Variants in ANK3 observed in about 807,000 individuals in gnomAD.
ANK3 encodes the protein ankyrin-3.
Under a neutral mutation model 370.9 loss-of-function variants are expected in ANK3, and 57 were observed. The ratio of observed to expected loss-of-function variants is 0.15; its 90% CI spans 0.12 to 0.19. The LOEUF is 0.19. ANK3 is among the 10% of genes least tolerant of loss of function. The pLI is 1.00. For synonymous variants in ANK3, 1,929 were observed against 1,946.3 expected, an observed-to-expected ratio of 0.99 and a Z score of 0.23; for missense variants, 4,439 against 5,302.1, an observed-to-expected ratio of 0.84 and a Z score of 5.06.
intron 4 of ANK3, among the ~76,000 whole-genome samples, chr10:60,272,453 T>TTTGTTG (rs145292305): frequency 5.1e-4 from 73 of 144,128 alleles, no homozygotes; most frequent in South Asian, 4.8e-4. Flanking sequence ...TTAGAAGTTT[T>TTTGTTG]TTGTTGTTGT....
At chr10:60,141,588 C>CTTTTTTTTTTTTTTTTTTT (rs1266607487) in intron 23 of ANK3, among the ~76,000 whole-genome samples, 1 of 24,880 alleles carries the variant, frequency 4.0e-5, no homozygotes, top group African/African-American at 1.8e-4. Flanking sequence ...TTTTTTTTTG[C>CTTTTTTTTTTTTTTTTTTT]TTCCCTCCAG....
At chr10:60,037,599 C>CA (rs1442605259) in intron 43 of ANK3, among the ~76,000 whole-genome samples, 2 of 150,826 alleles carry the variant, frequency 1.3e-5, no homozygotes, top group Non-Finnish European at 2.9e-5. Flanking sequence ...ATCTATGTTC[C>CA]GTTCCTGCAA....
intron 1 of ANK3, among the ~76,000 whole-genome samples, chr10:60,380,355 G>A (rs1214908827): frequency 1.3e-5 from 2 of 152,108 alleles, no homozygotes; most frequent in African/African-American, 4.8e-5. Flanking sequence ...TCAGTATTCT[G>A]TAAAAACGAT....
At chr10:60,509,295 G>T (rs1452194438) in intron 2 of ANK3, among the ~76,000 whole-genome samples, 1 of 151,846 alleles carries the variant, frequency 6.6e-6, no homozygotes, top group African/African-American at 2.4e-5. Context: ...AGCACAACTA[G>T]TATGCATGAG....
chr10:60,368,422 C>T (rs1185197089), intron 1 of ANK3, among the ~76,000 whole-genome samples: 2 of 152,146 alleles, frequency 1.3e-5, no homozygotes, highest in East Asian at 1.9e-4. Context: ...GCAAACATTG[C>T]TTCTCCAAAC....
chr10:60,695,350 A>C (rs906139425), intron 1 of ANK3, among the ~76,000 whole-genome samples: 36 of 152,260 alleles, frequency 2.4e-4, no homozygotes, highest in Non-Finnish European at 4.4e-4. Context: ...AACGAGACAG[A>C]AAGTCAACAA....
intron 2 of ANK3, among the ~76,000 whole-genome samples, chr10:60,602,102 G>A (rs2078072420): frequency 6.6e-6 from 1 of 152,066 alleles, no homozygotes; most frequent in African/African-American, 2.4e-5. Flanking sequence ...GGCTTACCAT[G>A]TGTCAGGCAT....
chr10:60,056,085 T>C, intron 41 of ANK3, 49 bp from the exon 42 acceptor site: 2 of 1,542,880 alleles, frequency 1.3e-6, no homozygotes, highest in Non-Finnish European at 8.7e-7. Context: ...TGACTGAATA[T>C]AGGTTGCAGA....
intron 7 of ANK3, among the ~76,000 whole-genome samples, chr10:60,244,522 T>C (rs1169012118): frequency 3.3e-5 from 5 of 152,242 alleles, no homozygotes; most frequent in African/African-American, 1.2e-4. Context: ...ACAAAGTTAC[T>C]ATTATGATTA....
intron 2 of ANK3, among the ~76,000 whole-genome samples, chr10:60,426,289 A>T (rs2063885360): frequency 6.6e-6 from 1 of 152,008 alleles, no homozygotes; most frequent in Non-Finnish European, 1.5e-5. Context: ...TTGTTTTAGC[A>T]TAAATCTATA....
intron 1 of ANK3, among the ~76,000 whole-genome samples, chr10:60,648,811 C>T (rs1208250961): frequency 6.7e-6 from 1 of 149,328 alleles, no homozygotes; most frequent in East Asian, 2.0e-4. Context: ...GATACTGCTT[C>T]TGCTCCTCTT....
At chr10:60,573,246 T>C (rs573040413) in intron 2 of ANK3, among the ~76,000 whole-genome samples, 165 of 151,914 alleles carry the variant, frequency 1.1e-3, no homozygotes, top group African/African-American at 3.7e-3. Context: ...TAATGTGACA[T>C]GCAAAAAAGA....
intron 23 of ANK3, chr10:60,144,192 T>G (rs1394037081): frequency 4.5e-6 from 2 of 446,934 alleles, no homozygotes; most frequent in East Asian, 7.4e-5. Context: ...ATCACTGAGT[T>G]TCGGGGAGGC....
chr10:60,524,889 T>G (rs540929262), intron 2 of ANK3, among the ~76,000 whole-genome samples: 14 of 152,218 alleles, frequency 9.2e-5, no homozygotes, highest in African/African-American at 3.4e-4. Context: ...CTTGATGAAC[T>G]GGACCCATGA....
At chr10:60,698,728 A>G (rs1328971436) in intron 1 of ANK3, among the ~76,000 whole-genome samples, 1 of 117,154 alleles carries the variant, frequency 8.5e-6, no homozygotes, top group African/African-American at 3.3e-5. Context: ...CAGGAAGGGG[A>G]ACATCACACT....
At position 60,042,670 on chromosome 10, in the gene ANK3, A is replaced by G; in HGVS notation, c.*19+2T>C. 1 of 1,613,558 alleles carries G rather than the reference A, an allele frequency of 6.2e-7. No homozygotes were observed. The highest frequency in any genetic ancestry group is 1.7e-4 in the Middle Eastern group (1 of 6,060). On this transcript the variant is annotated splice_donor_variant, in intron 43 of 43. Transcript: ENST00000280772. LOFTEE classifies it low-confidence loss of function (3UTR_SPLICE). ...ACTGTTGTTGATATGAACACACCTCACCTTGACTGACCGTTCGCTGTTACG... is the reference window on the plus strand; with the variant it reads ...ACTGTTGTTGATATGAACACACCTCGCCTTGACTGACCGTTCGCTGTTACG...
chr10:60,060,110 G>A, intron 40 of ANK3: 1 of 808,964 alleles, frequency 1.2e-6, no homozygotes. Context: ...AATGTATGAT[G>A]AATTACAGAT....
At chr10:60,252,096 C>T (rs1418783840) in intron 7 of ANK3, among the ~76,000 whole-genome samples, 1 of 152,192 alleles carries the variant, frequency 6.6e-6, no homozygotes, top group African/African-American at 2.4e-5. Context: ...TGGAAGAGGG[C>T]CAATAAATGA....
At position 60,114,316 on chromosome 10, in the gene ANK3, T is replaced by C. The variant is rs961020793; in HGVS notation, c.2857A>G (p.Arg953Gly). Reference sequence around the variant, plus strand: ...CTAAGAGAATCTGAATCAAATTCCCTTGTGAATGTTAGATGCTGAAAAATA... The same window carrying C: ...CTAAGAGAATCTGAATCAAATTCCCCTGTGAATGTTAGATGCTGAAAAATA... ...PSKEQHLTFT[R>G]EFDSDSLRHY... The change falls in exon 26 of 44, where the codon AGG (arginine) becomes GGG (glycine). Residue 953 changes from arginine (R) to glycine (G), a missense_variant. By Grantham distance (125) the Arg-to-Gly change is moderately radical. This residue lies in a region of ANK3 where 702 missense variants were observed against 941.5 expected (regional missense o/e 0.75). Coordinates refer to ENST00000280772, the MANE Select transcript of ANK3 (RefSeq NM_020987.5). 6.2e-7 allele frequency: 1 copy of C among 1,600,624 alleles called. No homozygotes were observed. The highest frequency in any genetic ancestry group is 1.7e-5 in the Admixed American group (1 of 58,386).
Sources: allele counts gnomAD v4.1 joint callset (sites outside exome capture counted in the v4.1 genomes callset), GRCh38; gene constraint gnomAD v4.1.1; regional missense constraint gnomAD v4.1.1; transcripts MANE v1.5; gene names NCBI Gene and HGNC (gene_info 2026-07-23, HGNC 2026-07-21).